PHKB: variants seen among roughly 807,000 people sequenced by gnomAD.
PHKB encodes the protein phosphorylase b kinase regulatory subunit beta.
A neutral mutation model predicts 152.1 loss-of-function variants in PHKB; 122 were observed. That is an observed-to-expected ratio of 0.80 (90% CI 0.69 to 0.93). The LOEUF (loss-of-function observed/expected upper bound fraction) is 0.93. Ranked by LOEUF, PHKB falls within the 40% of genes least tolerant of loss-of-function variation. PHKB has a pLI of 0.00. For missense variants in PHKB, 1,304 were observed against 1,328.4 expected, an observed-to-expected ratio of 0.98 and a Z score of 0.29; for synonymous variants, 436 against 464.9, an observed-to-expected ratio of 0.94 and a Z score of 0.80.
chr16:47,495,986 T>C (rs1365082291), intron 1 of PHKB, among the ~76,000 whole-genome samples: 1 of 152,192 alleles, frequency 6.6e-6, no homozygotes, highest in Non-Finnish European at 1.5e-5. Flanking sequence ...GCCCTTTCTT[T>C]ACGTTCTTCT....
chr16:47,527,386 GC>G, intron 6 of PHKB, among the ~76,000 whole-genome samples: 1 of 152,134 alleles, frequency 6.6e-6, no homozygotes, highest in East Asian at 1.9e-4. Flanking sequence ...AAAACCAACA[GC>G]TTTATTTTTT....
intron 7 of PHKB, among the ~76,000 whole-genome samples, chr16:47,577,995 G>C (rs1585960): frequency 0.99 from 151,008 of 152,252 alleles, 74,894 homozygotes; most frequent in East Asian, 1. Context: ...TCCCTGAGGC[G>C]CTGATCATTT....
chr16:47,626,826 A>G (rs1972718494), intron 14 of PHKB, among the ~76,000 whole-genome samples: 1 of 152,182 alleles, frequency 6.6e-6, no homozygotes, highest in Non-Finnish European at 1.5e-5. Context: ...CTCTGGCTGA[A>G]ATGGAGTCCT....
At chr16:47,480,911 A>G (rs1428739252) in intron 1 of PHKB, among the ~76,000 whole-genome samples, 7 of 152,354 alleles carry the variant, frequency 4.6e-5, no homozygotes, top group Admixed American at 4.6e-4. Context: ...TCTGAATAGC[A>G]TATTGAATGA....
chr16:47,675,538 C>CTCTG (rs1453397004), intron 26 of PHKB: 5 of 151,968 alleles, frequency 3.3e-5, no homozygotes, highest in Non-Finnish European at 7.3e-5. Flanking sequence ...CTCTCTCTCT[C>CTCTG]TCTCTCTCTC....
At chr16:47,560,216 G>T (rs1167277656) in intron 7 of PHKB, among the ~76,000 whole-genome samples, 1 of 152,176 alleles carries the variant, frequency 6.6e-6, no homozygotes, top group South Asian at 2.1e-4. Flanking sequence ...TTTTAAAGCC[G>T]CTCTGGGCTT....
rs1430055339 is a variant in PHKB, at chr16:47,565,244, T to C, written c.711-15051T>C. ...CTTTTTGCCATCTTTCCTATCTGAC[T>C]CCGTTCAGTGGTCTTTGTTCCCTCT... is the stretch of plus-strand genomic sequence containing the variant. On this transcript the variant is annotated intron_variant, in intron 7 of 30. Coordinates refer to ENST00000323584, the MANE Select transcript of PHKB (RefSeq NM_000293.3). 4 of 689,800 alleles carry C rather than the reference T, an allele frequency of 5.8e-6. No homozygotes were observed. The East Asian group carries it at 1.2e-4, about 20-fold the overall frequency. The allele number at this position is 689,800 out of a possible 1,614,324, so 42.7% of individuals were successfully genotyped here. A position where few individuals can be genotyped will look rare whatever the true frequency, so the allele number is the denominator to read the frequency against.
chr16:47,679,043 CTTGT>C (rs1255931075), intron 26 of PHKB, among the ~76,000 whole-genome samples: 3 of 152,130 alleles, frequency 2.0e-5, no homozygotes, highest in Non-Finnish European at 4.4e-5. Flanking sequence ...TTCCCCATTG[CTTGT>C]TTTTGTCAGG....
At chr16:47,538,737 G>A (rs1474001378) in intron 6 of PHKB, among the ~76,000 whole-genome samples, 1 of 152,200 alleles carries the variant, frequency 6.6e-6, no homozygotes, top group African/African-American at 2.4e-5. Context: ...TAGAAAACAA[G>A]GAAGCACCAT....
Position 47,661,820 on chromosome 16 carries a change from A to C in PHKB, c.2278+20A>C. On this transcript the variant is annotated intron_variant, in intron 23 of 30. Coordinates refer to ENST00000323584, the MANE Select transcript of PHKB (RefSeq NM_000293.3). ...AGGAAGGTAAGCATGCATGTCTAGGAGAACATTTTAAGAGGACCTCTCTAG... is the reference window on the plus strand; with the variant it reads ...AGGAAGGTAAGCATGCATGTCTAGGCGAACATTTTAAGAGGACCTCTCTAG... 1 of 1,524,846 alleles carries C rather than the reference A, an allele frequency of 6.6e-7. No homozygotes were observed. Among genetic ancestry groups the C allele is most frequent in the Non-Finnish European group, 9.1e-7 (1 of 1,098,674 alleles). 94.5% of individuals were successfully genotyped at this position (1,524,846 alleles called of 1,614,324 possible).
At chr16:47,649,587 C>T (rs947925174) in intron 18 of PHKB, among the ~76,000 whole-genome samples, 1 of 152,112 alleles carries the variant, frequency 6.6e-6, no homozygotes, top group African/African-American at 2.4e-5. Context: ...ACTCATAACT[C>T]CATGAGTTAA....
At chr16:47,620,463 T>G (rs1301540475) in intron 14 of PHKB, among the ~76,000 whole-genome samples, 1 of 152,212 alleles carries the variant, frequency 6.6e-6, no homozygotes, top group African/African-American at 2.4e-5. Context: ...GATGCAAGAT[T>G]GTATTCTATT....
At chr16:47,564,031 A>G (rs1166581506) in intron 7 of PHKB, among the ~76,000 whole-genome samples, 2 of 134,082 alleles carry the variant, frequency 1.5e-5, no homozygotes, top group Non-Finnish European at 3.1e-5. Flanking sequence ...GTAGCAATCC[A>G]TGGTGTGTGT....
At chr16:47,644,774 A>C (rs529843083) in intron 16 of PHKB, among the ~76,000 whole-genome samples, 2 of 152,348 alleles carry the variant, frequency 1.3e-5, no homozygotes, top group South Asian at 4.1e-4. Context: ...CATTTTTAGA[A>C]TGATACCAGT....
chr16:47,543,413 T>C (rs944250114), intron 6 of PHKB, among the ~76,000 whole-genome samples: 4 of 152,244 alleles, frequency 2.6e-5, no homozygotes, highest in Non-Finnish European at 5.9e-5. Flanking sequence ...CAGTATTTTA[T>C]TGAGGATTTT....
intron 8 of PHKB, among the ~76,000 whole-genome samples, chr16:47,582,391 T>C (rs1043541085): frequency 6.6e-6 from 1 of 152,210 alleles, no homozygotes; most frequent in African/African-American, 2.4e-5. Context: ...CAGGAAGCTT[T>C]CATAAATTGC....
At chr16:47,471,059 C>A (rs1173141259) in intron 1 of PHKB, among the ~76,000 whole-genome samples, 2 of 152,158 alleles carry the variant, frequency 1.3e-5, no homozygotes, top group Non-Finnish European at 2.9e-5. Context: ...AATGAACTAA[C>A]CCTTAAGTGG....
intron 16 of PHKB, among the ~76,000 whole-genome samples, chr16:47,642,228 G>T (rs1049996736): frequency 1.3e-5 from 2 of 151,586 alleles, no homozygotes; most frequent in African/African-American, 4.9e-5. Flanking sequence ...CTTACTGTTT[G>T]GTGTCTGAAG....
intron 6 of PHKB, among the ~76,000 whole-genome samples, chr16:47,545,122 T>G (rs953236993): frequency 6.6e-6 from 1 of 152,230 alleles, no homozygotes; most frequent in Non-Finnish European, 1.5e-5. Flanking sequence ...ATGTGTGAAT[T>G]TGATCCTGTC....
Sources: allele counts gnomAD v4.1 joint callset (sites outside exome capture counted in the v4.1 genomes callset), GRCh38; gene constraint gnomAD v4.1.1; transcripts MANE v1.5; gene names NCBI Gene and HGNC (gene_info 2026-07-23, HGNC 2026-07-21).